The following ZFHX3 variants were observed in gnomAD, a reference collection of about 807,000 sequenced individuals.
ZFHX3 encodes zinc finger homeobox 3, also known as zinc finger homeobox protein 3.
A neutral mutation model predicts 279.1 loss-of-function variants in ZFHX3; 42 were observed. That is an observed-to-expected ratio of 0.15 (90% CI 0.12 to 0.19). The LOEUF (loss-of-function observed/expected upper bound fraction) is 0.19. Among genes scored for constraint, ZFHX3 ranks in the 10% least tolerant of loss-of-function variants. The pLI, the probability that ZFHX3 is intolerant of heterozygous loss-of-function variation, is 1.00. For missense variants in ZFHX3, 4,981 were observed against 4,754.0 expected (o/e 1.05, Z -1.40); for synonymous variants, 2,293 against 1,957.8 (o/e 1.17, Z -4.52).
chr16:72,976,499 C>G (rs1962353087), intron 1 of ZFHX3, among the ~76,000 whole-genome samples: 1 of 152,154 alleles, frequency 6.6e-6, no homozygotes, highest in South Asian at 2.1e-4. Flanking sequence ...TATTGAGTGC[C>G]TACAACATAC....
rs2017435688 is a variant in ZFHX3, at chr16:73,410,018, T to C, written c.-1291+45985A>G. Among the ~76,000 whole-genome samples, 7 of 152,024 alleles carry C rather than the reference T, an allele frequency of 4.6e-5. No individual in the cohort carries two copies. In the South Asian group the frequency reaches 1.5e-3, roughly 32 times the overall value. On this transcript the variant is annotated intron_variant, in intron 3 of 17. Coordinates refer to the ZFHX3 transcript ENST00000641206. ...GGTGGGTGCAGGTGGGAAGTGGGGA[T>C]GGTTAATGGCTACAAAAATGTAGTT...
chr16:73,392,250 T>A (rs543630398), intron 3 of ZFHX3, among the ~76,000 whole-genome samples: 214 of 151,556 alleles, frequency 1.4e-3, no homozygotes, highest in Middle Eastern at 3.4e-3. Flanking sequence ...TAAAACCCCA[T>A]CTCTACCCAA....
intron 2 of ZFHX3, among the ~76,000 whole-genome samples, chr16:73,510,783 A>G (rs1436904808): frequency 6.6e-6 from 1 of 152,218 alleles, no homozygotes. Context: ...GAAGAAACTC[A>G]GTGTTCCATG....
At chr16:73,134,751 C>G (rs555540670) in intron 6 of ZFHX3, 1 of 152,010 alleles carries the variant, frequency 6.6e-6, no homozygotes, top group South Asian at 2.1e-4. Flanking sequence ...ATCCTTCTCC[C>G]ATCTCATCAA....
At chr16:73,259,964 T>G (rs2013772598) in intron 4 of ZFHX3, among the ~76,000 whole-genome samples, 1 of 152,208 alleles carries the variant, frequency 6.6e-6, no homozygotes, top group Non-Finnish European at 1.5e-5. Context: ...GCTTTACTAT[T>G]GTCCTTAACC....
At chr16:72,805,517 C>G (rs1454461666) in intron 7 of ZFHX3, among the ~76,000 whole-genome samples, 1 of 152,060 alleles carries the variant, frequency 6.6e-6, no homozygotes, top group Non-Finnish European at 1.5e-5. Flanking sequence ...AGGCACAGAC[C>G]TCCTTGGCAC....
At chr16:73,582,376 T>A (rs1038528402) in intron 2 of ZFHX3, among the ~76,000 whole-genome samples, 2 of 151,872 alleles carry the variant, frequency 1.3e-5, no homozygotes, top group Admixed American at 1.3e-4. Flanking sequence ...AAACCCCAAA[T>A]GGACAAATAA....
chr16:73,516,685 C>T (rs1398746945), intron 2 of ZFHX3, among the ~76,000 whole-genome samples: 1 of 152,118 alleles, frequency 6.6e-6, no homozygotes, highest in Non-Finnish European at 1.5e-5. Flanking sequence ...TTTCTTCTTC[C>T]TTCGTTCTCC....
intron 1 of ZFHX3, among the ~76,000 whole-genome samples, chr16:73,053,393 T>C (rs1965484674): frequency 6.6e-6 from 1 of 152,072 alleles, no homozygotes; most frequent in Non-Finnish European, 1.5e-5. Flanking sequence ...ACACTTTCTT[T>C]TTTTCACAGC....
At chr16:73,440,399 C>T (rs2018070468) in intron 3 of ZFHX3, among the ~76,000 whole-genome samples, 1 of 152,138 alleles carries the variant, frequency 6.6e-6, no homozygotes, top group South Asian at 2.1e-4. Flanking sequence ...ATTTGGGAGA[C>T]AGAAAACGAA....
chr16:73,318,449 T>TA (rs1466833286), intron 3 of ZFHX3: 2 of 152,048 alleles, frequency 1.3e-5, no homozygotes, highest in Non-Finnish European at 2.9e-5. Context: ...GCACTGTTTG[T>TA]AAAAATTCAA....
chr16:72,990,264 G>A (rs370065067), intron 1 of ZFHX3, among the ~76,000 whole-genome samples: 4 of 152,282 alleles, frequency 2.6e-5, no homozygotes, highest in South Asian at 2.1e-4. Flanking sequence ...AAGACGACAC[G>A]GCGTTCTCCC....
At chr16:73,252,328 C>T (rs1337085090) in intron 5 of ZFHX3, among the ~76,000 whole-genome samples, 2 of 152,108 alleles carry the variant, frequency 1.3e-5, no homozygotes, top group Non-Finnish European at 2.9e-5. Flanking sequence ...GCAGGGCAGG[C>T]ATTGACGGCT....
chr16:72,942,381 T>C (rs181794574), intron 3 of ZFHX3, among the ~76,000 whole-genome samples: 745 of 152,350 alleles, frequency 4.9e-3, no homozygotes, highest in Non-Finnish European at 8.4e-3. Flanking sequence ...ATGTCATTTA[T>C]GCGAAGAATT....
chr16:73,415,013 A>T (rs1567476976), intron 3 of ZFHX3, among the ~76,000 whole-genome samples: 1 of 152,190 alleles, frequency 6.6e-6, no homozygotes, highest in Non-Finnish European at 1.5e-5. Context: ...TCTTTAACAA[A>T]GACCACTACC....
At chr16:73,014,544 T>TTGTTGTTG (rs1964031337) in intron 1 of ZFHX3, 2 of 143,392 alleles carry the variant, frequency 1.4e-5, no homozygotes, top group African/African-American at 5.3e-5. Flanking sequence ...TTTTTTTTTT[T>TTGTTGTTG]TTGAGACACA....
At chr16:73,764,723 A>G (rs2053909890) in intron 1 of ZFHX3, among the ~76,000 whole-genome samples, 1 of 152,212 alleles carries the variant, frequency 6.6e-6, no homozygotes, top group Admixed American at 6.5e-5. Context: ...GAAATTTTCT[A>G]AAAGCAAAAA....
chr16:73,890,241 A>C (rs1243834759), intron 1 of ZFHX3, among the ~76,000 whole-genome samples: 5 of 31,486 alleles, frequency 1.6e-4, no homozygotes, highest in Admixed American at 3.8e-4. Flanking sequence ...AAAAAAAACC[A>C]AAAAAAAAAA....
At chr16:73,437,087 G>A (rs1200906839) in intron 3 of ZFHX3, among the ~76,000 whole-genome samples, 1 of 152,188 alleles carries the variant, frequency 6.6e-6, no homozygotes, top group Non-Finnish European at 1.5e-5. Context: ...GGAAGCACAC[G>A]ACTTCTTACA....
Sources: gnomAD v4.1 joint callset for allele counts (sites outside exome capture counted in the v4.1 genomes callset) on GRCh38, gnomAD v4.1.1 for gene constraint, MANE v1.5 for transcripts, NCBI Gene and HGNC (gene_info 2026-07-23, HGNC 2026-07-21) for gene names.